APELA: variants seen among roughly 807,000 people sequenced by gnomAD.
APELA encodes the protein protein Elabela.
chr4:164,884,870 G>A (rs764045042), intron 2 of APELA, among the ~76,000 whole-genome samples: 1 of 151,894 alleles, frequency 6.6e-6, no homozygotes, highest in Non-Finnish European at 1.5e-5. Flanking sequence ...TTTTTTCTCA[G>A]TATCATTCAT....
downstream of APELA, among the ~76,000 whole-genome samples, chr4:164,898,300 G>A (rs1731014716): frequency 1.3e-5 from 2 of 151,268 alleles, no homozygotes; most frequent in African/African-American, 2.4e-5. Flanking sequence ...TCAGGAGTTC[G>A]AGACCAGCCT....
intron 2 of APELA, among the ~76,000 whole-genome samples, chr4:164,880,540 T>C (rs1306726332): frequency 2.0e-5 from 3 of 152,208 alleles, no homozygotes; most frequent in Non-Finnish European, 4.4e-5. Context: ...CAGCAGAGCA[T>C]TTCAGTGTCA....
chr4:164,884,060 GGAAAGAAGGAGAGAAA>G (rs1730712948), intron 2 of APELA, among the ~76,000 whole-genome samples: 1 of 135,852 alleles, frequency 7.4e-6, no homozygotes. Flanking sequence ...AAAGAAACAG[GGAAAGAAGGAGAGAAA>G]GAAAGAAGGA....
chr4:164,898,015 C>G (rs760531710), downstream of APELA, among the ~76,000 whole-genome samples: 1 of 152,000 alleles, frequency 6.6e-6, no homozygotes, highest in African/African-American at 2.4e-5. Context: ...TTCAGCCTCC[C>G]GAGCAGCTGG....
chr4:164,894,868 GAA>G (rs1440461066), intron 2 of APELA, among the ~76,000 whole-genome samples: 1 of 152,190 alleles, frequency 6.6e-6, no homozygotes, highest in African/African-American at 2.4e-5. Context: ...CGAGTTGAGA[GAA>G]ATGATTCCAG....
chr4:164,879,875 T>C (rs1730626109), intron 2 of APELA, among the ~76,000 whole-genome samples: 1 of 152,238 alleles, frequency 6.6e-6, no homozygotes, highest in Non-Finnish European at 1.5e-5. Flanking sequence ...GTGATCTTGA[T>C]AGTCACATCT....
At chr4:164,895,158 A>G (rs1010997830) in intron 2 of APELA, among the ~76,000 whole-genome samples, 3 of 152,338 alleles carry the variant, frequency 2.0e-5, no homozygotes, top group Non-Finnish European at 4.4e-5. Flanking sequence ...AGACCGTGCC[A>G]CTGCACTCCA....
intron 2 of APELA, among the ~76,000 whole-genome samples, chr4:164,881,484 C>T (rs1730652265): frequency 6.6e-6 from 1 of 152,008 alleles, no homozygotes; most frequent in African/African-American, 2.4e-5. Flanking sequence ...GCCTATGCAA[C>T]TGAATTAATT....
intron 2 of APELA, among the ~76,000 whole-genome samples, chr4:164,882,733 C>T (rs1730677573): frequency 6.6e-6 from 1 of 152,054 alleles, no homozygotes; most frequent in Non-Finnish European, 1.5e-5. Flanking sequence ...TCTCCTAACG[C>T]TATCCCTCCC....
In APELA at chr4:164,877,395, G is replaced by A. The variant is rs950650961; in HGVS notation, c.64G>A (p.Gly22Arg). ...IFIMSLLLISGQRPVNLTMRR... is the reference protein window; with the variant it reads ...IFIMSLLLISRQRPVNLTMRR... Reference sequence around the variant, plus strand: ...TATTATGAGTCTTCTCCTTATCAGCGGACAGAGACCAGGTAGGCCTTTGAT... The same window carrying A: ...TATTATGAGTCTTCTCCTTATCAGCAGACAGAGACCAGGTAGGCCTTTGAT... Residue 22 changes from glycine to arginine, a missense_variant, in exon 1 of 3, where the codon GGA becomes AGA. By Grantham distance (125) the Gly-to-Arg change is moderately radical. Coordinates refer to ENST00000507152, the MANE Select transcript of APELA (RefSeq NM_001297550.2). 3 of 398,740 alleles carry A rather than the reference G, an allele frequency of 7.5e-6. No individual in the cohort carries two copies. Among genetic ancestry groups the A allele is most frequent in the Admixed American group, 4.4e-5 (1 of 22,686 alleles). The allele number at this position is 398,740 out of a possible 1,614,324, so 24.7% of individuals were successfully genotyped here.
chr4:164,880,934 C>T (rs1579106689), intron 2 of APELA, among the ~76,000 whole-genome samples: 1 of 152,150 alleles, frequency 6.6e-6, no homozygotes, highest in African/African-American at 2.4e-5. Context: ...GCTTGGGTGA[C>T]AGCATCCATT....
At chr4:164,886,950 C>T (rs977246247) in intron 2 of APELA, among the ~76,000 whole-genome samples, 3 of 151,928 alleles carry the variant, frequency 2.0e-5, no homozygotes, top group East Asian at 1.9e-4. Context: ...CTCAGCCTCC[C>T]AAGTAGCTGG....
rs2111073367 is a variant in APELA at position 164,896,453 on chromosome 4, A to G, written c.*1039A>G. ...TAATTTCTTTAAAAGTCTTACTTAAAGTTGACATCTAAAATACAGTTATGC... is the reference window on the plus strand; with the variant it reads ...TAATTTCTTTAAAAGTCTTACTTAAGGTTGACATCTAAAATACAGTTATGC... On this transcript the variant is annotated 3_prime_UTR_variant, in exon 3 of 3. Coordinates refer to ENST00000507152, the MANE Select transcript of APELA (RefSeq NM_001297550.2). The G allele has an allele frequency of 6.6e-6, 1 of 152,160 alleles. No homozygotes were observed. The highest frequency in any genetic ancestry group is 2.4e-5 in the African/African-American group (1 of 41,526). The allele number at this position is 152,160 out of a possible 1,614,324, so 9.4% of individuals were successfully genotyped here. A position where few individuals can be genotyped will look rare whatever the true frequency, so the allele number is the denominator to read the frequency against.
At chr4:164,881,196 TG>T (rs2111050607) in intron 2 of APELA, among the ~76,000 whole-genome samples, 1 of 152,348 alleles carries the variant, frequency 6.6e-6, no homozygotes, top group East Asian at 1.9e-4. Flanking sequence ...GTAAATGTAC[TG>T]TAAACCTAGG....
chr4:164,882,093 T>TC (rs1336974008), intron 2 of APELA, among the ~76,000 whole-genome samples: 1 of 150,686 alleles, frequency 6.6e-6, no homozygotes, highest in Non-Finnish European at 1.5e-5. Context: ...TCTACTAGCT[T>TC]TTTTTTTTAA....
chr4:164,889,841 A>G (rs1216516892), intron 2 of APELA, among the ~76,000 whole-genome samples: 4 of 152,230 alleles, frequency 2.6e-5, no homozygotes, highest in African/African-American at 7.2e-5. Flanking sequence ...TCCCTAAACA[A>G]TACAGTATAA....
At chr4:164,881,942 GGCCTCCAGGGAGGATCATTTGA>G (rs1730660870) in intron 2 of APELA, among the ~76,000 whole-genome samples, 1 of 151,756 alleles carries the variant, frequency 6.6e-6, no homozygotes, top group Non-Finnish European at 1.5e-5. Context: ...GGGGGGCTGA[GGCCTCCAGGGAGGATCATTTGA>G]GCCCAGGAGT....
At chr4:164,889,392 CTT>C (rs1730838303) in intron 2 of APELA, among the ~76,000 whole-genome samples, 1 of 151,888 alleles carries the variant, frequency 6.6e-6, no homozygotes, top group Admixed American at 6.6e-5. Flanking sequence ...CCATTTACTG[CTT>C]TGTCTTTTAC....
chr4:164,884,363 C>T (rs911410942), intron 2 of APELA, among the ~76,000 whole-genome samples: 1 of 152,192 alleles, frequency 6.6e-6, no homozygotes, highest in Non-Finnish European at 1.5e-5. Context: ...CTATTTTCAA[C>T]ACATTGTTCC....
Sources: allele counts gnomAD v4.1 joint callset (sites outside exome capture counted in the v4.1 genomes callset), GRCh38; gene constraint gnomAD v4.1.1; transcripts MANE v1.5; gene names NCBI Gene and HGNC (gene_info 2026-07-23, HGNC 2026-07-21).